Variants in IFNAR1 observed in about 807,000 individuals in gnomAD.
The protein encoded by IFNAR1 is interferon alpha/beta receptor 1.
Under a neutral mutation model 62.1 loss-of-function variants are expected in IFNAR1, and 47 were observed. That is an observed-to-expected ratio of 0.76 (90% confidence interval 0.60 to 0.97). The LOEUF (loss-of-function observed/expected upper bound fraction) is 0.97, where lower values mean the gene tolerates loss of function less well. IFNAR1 is among the 50% of genes least tolerant of loss of function. IFNAR1 has a pLI of 0.00. For missense variants in IFNAR1, 638 were observed against 654.5 expected (o/e 0.97, Z 0.27); for synonymous variants, 219 against 226.9 (o/e 0.97, Z 0.31).
intron 10 of IFNAR1, among the ~76,000 whole-genome samples, chr21:33,354,651 T>C (rs2083431087): frequency 6.6e-6 from 1 of 152,152 alleles, no homozygotes; most frequent in Admixed American, 6.5e-5. Flanking sequence ...AAACATAGAA[T>C]CTGTTCCTGG....
intron 3 of IFNAR1, among the ~76,000 whole-genome samples, chr21:33,342,619 C>T (rs2083301601): frequency 6.8e-6 from 1 of 147,376 alleles, no homozygotes. Context: ...CCAAGGCGGG[C>T]AGATCACGAG....
intron 2 of IFNAR1, among the ~76,000 whole-genome samples, chr21:33,340,011 G>A (rs1306291306): frequency 2.0e-5 from 3 of 150,576 alleles, no homozygotes; most frequent in African/African-American, 7.3e-5. Flanking sequence ...TCCCCTTTCT[G>A]GGCAACATGT....
In IFNAR1 at chr21:33,348,647, C is replaced by G. The variant is rs370332033; in HGVS notation, c.789-444C>G. Among the ~76,000 whole-genome samples, 14 of 152,074 alleles carry G rather than the reference C, an allele frequency of 9.2e-5. No individual in the cohort carries two copies. In the East Asian group the frequency reaches 9.6e-4, roughly 10 times the overall value. ...CGAAACCCCATCTCTACTAAAAATA[C>G]AAAAATTAGGCAGGCCTGGTGGCGT... On this transcript the variant is annotated intron_variant, in intron 6 of 10. Coordinates refer to ENST00000270139, the MANE Select transcript of IFNAR1 (RefSeq NM_000629.3).
At chr21:33,337,883 G>A (rs1424478403) in intron 2 of IFNAR1, among the ~76,000 whole-genome samples, 1 of 151,936 alleles carries the variant, frequency 6.6e-6, no homozygotes, top group Non-Finnish European at 1.5e-5. Context: ...TGAACTTTGA[G>A]TTTGGTTACC....
chr21:33,332,983 G>C (rs2083196284), intron 1 of IFNAR1, among the ~76,000 whole-genome samples: 1 of 152,200 alleles, frequency 6.6e-6, no homozygotes. Flanking sequence ...GAGAGATACA[G>C]ACATCCAGAT....
chr21:33,333,311 A>T (rs1320724789), intron 1 of IFNAR1, among the ~76,000 whole-genome samples: 1 of 152,258 alleles, frequency 6.6e-6, no homozygotes, highest in Non-Finnish European at 1.5e-5. Flanking sequence ...TCACTGCTAG[A>T]CCAGCCTTAT....
At position 33,358,374 on chromosome 21, in the gene IFNAR1, A is replaced by G. The variant is rs1020966933; in HGVS notation, c.*2825A>G. ...CAATTAACCGCCTGAAAATTAGCAT[A>G]TTGATAGTTCTTAGAGAGACCAGAT... On this transcript the variant is annotated 3_prime_UTR_variant, in exon 11 of 11. Coordinates refer to ENST00000270139, the MANE Select transcript of IFNAR1 (RefSeq NM_000629.3). 6.2e-5 allele frequency: 9 copies of G among 145,372 alleles called. No homozygotes were observed. Among genetic ancestry groups the G allele is most frequent in the African/African-American group, 2.0e-4 (8 of 39,374 alleles). 9.0% of individuals were successfully genotyped at this position (145,372 alleles called of 1,614,324 possible).
chr21:33,335,891 T>G (rs2083229247), intron 2 of IFNAR1, among the ~76,000 whole-genome samples: 1 of 151,528 alleles, frequency 6.6e-6, no homozygotes, highest in African/African-American at 2.4e-5. Flanking sequence ...AGCCATTCCT[T>G]CTTTCTTCTG....
At chr21:33,336,593 C>G (rs2083238501) in intron 2 of IFNAR1, among the ~76,000 whole-genome samples, 1 of 152,070 alleles carries the variant, frequency 6.6e-6, no homozygotes, top group South Asian at 2.1e-4. Context: ...CAGCTTCTTT[C>G]AATATAAGTT....
intron 6 of IFNAR1, among the ~76,000 whole-genome samples, chr21:33,345,656 C>T (rs913067610): frequency 6.6e-6 from 1 of 152,186 alleles, no homozygotes; most frequent in African/African-American, 2.4e-5. Context: ...TAACTAGTTG[C>T]ATGTGTTATT....
intron 8 of IFNAR1, among the ~76,000 whole-genome samples, chr21:33,351,551 T>A (rs866718599): frequency 0.049 from 7,349 of 149,188 alleles, 570 homozygotes; most frequent in African/African-American, 0.16. Context: ...TATTTTATTT[T>A]ATTTTTTTTT....
Position 33,326,205 on chromosome 21 carries a change from A to G in IFNAR1, c.76+1074A>G, listed in dbSNP as rs938632888. On this transcript the variant is annotated intron_variant, in intron 1 of 10. Coordinates refer to ENST00000270139, the MANE Select transcript of IFNAR1 (RefSeq NM_000629.3). ...GTCCAAAATATGGGAAGACATTTTT[A>G]TTTATACTTTTTTTTTTTTTTTTTT... Among the ~76,000 whole-genome samples the G allele has an allele frequency of 5.9e-5, 8 of 135,022 alleles. No homozygotes were observed. The East Asian group carries it at 1.2e-3, about 21-fold the overall frequency. 88.6% of individuals were successfully genotyped at this position (135,022 alleles called of 152,430 possible). A position where few individuals can be genotyped will look rare whatever the true frequency, so the allele number is the denominator to read the frequency against.
chr21:33,343,258 T>C lies in IFNAR1; in HGVS notation c.377-10T>C. 4 of 1,607,094 alleles carry C rather than the reference T, an allele frequency of 2.5e-6. No homozygotes were observed. The highest frequency in any genetic ancestry group is 1.7e-4 in the Middle Eastern group (1 of 6,022). ...AAAGTTCCATAGTAATTGTTTTGAT[T>C]TTTTTGCAGCTCAGATTGGTCCTCC... On this transcript the variant is annotated splice_polypyrimidine_tract_variant and intron_variant, in intron 3 of 10. Coordinates refer to ENST00000270139, the MANE Select transcript of IFNAR1 (RefSeq NM_000629.3).
intron 5 of IFNAR1, among the ~76,000 whole-genome samples, chr21:33,344,265 G>GAAAAGGTGGGGA (rs1445679541): frequency 6.6e-6 from 1 of 152,208 alleles, no homozygotes; most frequent in Admixed American, 6.5e-5. Context: ...CAAGTGGGAA[G>GAAAAGGTGGGGA]AAAAGGTGGG....
At chr21:33,335,854 G>A (rs1042072092) in intron 2 of IFNAR1, among the ~76,000 whole-genome samples, 2 of 151,284 alleles carry the variant, frequency 1.3e-5, no homozygotes, top group Non-Finnish European at 2.9e-5. Context: ...TTGGGGATGA[G>A]GGTGGTAGAC....
In IFNAR1 at chr21:33,352,882, A is replaced by G; in HGVS notation, c.1268A>G (p.Asp423Gly). The stretch of plus-strand genomic sequence containing the variant: ...CTGAATAAAAGCAGTGTTTTTAGTG[A>G]CGCTGTATGTGAGAAAACAAAACCA... ...EKLNKSSVFS[D>G]AVCEKTKPGN... is the part of the protein sequence containing the mutation. Residue 423 changes from aspartate to glycine, a missense_variant, in exon 9 of 11, where the codon GAC becomes GGC. By Grantham distance (94) the Asp-to-Gly change is moderately conservative (BLOSUM62 -1). Transcript: ENST00000270139. 6.3e-7 allele frequency: 1 copy of G among 1,594,268 alleles called. No homozygotes were observed. Among genetic ancestry groups the G allele is most frequent in the East Asian group, 2.2e-5 (1 of 44,716 alleles).
chr21:33,346,827 C>G (rs1469723796), intron 6 of IFNAR1, among the ~76,000 whole-genome samples: 1 of 152,104 alleles, frequency 6.6e-6, no homozygotes, highest in Non-Finnish European at 1.5e-5. Context: ...ATGAACAAGG[C>G]CTTGATTGTT....
intron 2 of IFNAR1, among the ~76,000 whole-genome samples, chr21:33,340,291 G>A (rs17875811): frequency 2.4e-4 from 36 of 152,202 alleles, no homozygotes; most frequent in African/African-American, 8.2e-4. Context: ...CTTAGGGAAG[G>A]TAAGTCTATT....
At chr21:33,342,956 A>G (rs1032185313) in intron 3 of IFNAR1, among the ~76,000 whole-genome samples, 4 of 151,950 alleles carry the variant, frequency 2.6e-5, no homozygotes, top group African/African-American at 9.7e-5. Context: ...CCTCTGTAGC[A>G]TAGATGTGGT....
Sources: gnomAD v4.1 joint callset for allele counts (sites outside exome capture counted in the v4.1 genomes callset) on GRCh38, gnomAD v4.1.1 for gene constraint, MANE v1.5 for transcripts, NCBI Gene and HGNC (gene_info 2026-07-23, HGNC 2026-07-21) for gene names.